Variants in KIRREL3 observed in about 807,000 individuals in gnomAD.
KIRREL3 encodes kirre like nephrin family adhesion molecule 3.
A neutral mutation model predicts 89.7 loss-of-function variants in KIRREL3; 36 were observed. The ratio of observed to expected loss-of-function variants is 0.40; its 90% CI spans 0.31 to 0.53. The LOEUF (loss-of-function observed/expected upper bound fraction) is 0.53. Ranked by LOEUF, KIRREL3 falls within the 20% of genes least tolerant of loss-of-function variation. The probability of loss-of-function intolerance (pLI) is 0.49; values close to 1 mark genes in which losing one functional copy is unlikely to be tolerated. For missense variants in KIRREL3, 864 were observed against 1,056.6 expected (o/e 0.82, Z 2.53); for synonymous variants, 445 against 441.4 (o/e 1.01, Z -0.10).
intron 1 of KIRREL3, among the ~76,000 whole-genome samples, chr11:126,820,445 A>G (rs1317901501): frequency 6.6e-6 from 1 of 152,326 alleles, no homozygotes; most frequent in East Asian, 1.9e-4. Context: ...TGGAATAACT[A>G]TATAAGGTGT....
intron 1 of KIRREL3, among the ~76,000 whole-genome samples, chr11:126,874,387 G>A (rs1210492013): frequency 6.6e-6 from 1 of 152,206 alleles, no homozygotes; most frequent in East Asian, 1.9e-4. Context: ...TGCAACAAGA[G>A]GCATCTCTTA....
rs1328516769 is a variant in KIRREL3, at chr11:126,608,219, G to C, written c.56-45307C>G. 6.6e-6 allele frequency among the ~76,000 whole-genome samples: 1 copy of C among 152,210 alleles called. No individual in the cohort carries two copies. The highest frequency in any genetic ancestry group is 1.5e-5 in the Non-Finnish European group (1 of 68,040). Reference sequence around the variant, plus strand: ...AGGTGGGAGAGAAAAGCAGGAGGCAGCTGAAGGGGGCGGTCTCAGAAGCCC... The same window carrying C: ...AGGTGGGAGAGAAAAGCAGGAGGCACCTGAAGGGGGCGGTCTCAGAAGCCC... On this transcript the variant is annotated intron_variant, in intron 1 of 16. Coordinates refer to ENST00000525144, the MANE Select transcript of KIRREL3 (RefSeq NM_032531.4). This position sits in a 1 kb window ranked among gnomAD's most constrained non-coding sequence, Gnocchi z 4.9.
At chr11:126,893,937 G>A (rs12275076) in intron 1 of KIRREL3, among the ~76,000 whole-genome samples, 11,157 of 152,232 alleles carry the variant, frequency 0.073, 1,349 homozygotes, top group African/African-American at 0.25. Flanking sequence ...TCCCAGAGCC[G>A]CGTGTGACTT....
In KIRREL3 at chr11:126,896,007, A is replaced by G. The variant is rs539726734; in HGVS notation, c.55+104448T>C. Among the ~76,000 whole-genome samples the G allele has an allele frequency of 6.6e-6, 1 of 152,356 alleles. No individual in the cohort carries two copies. Among genetic ancestry groups the G allele is most frequent in the African/African-American group, 2.4e-5 (1 of 41,582 alleles). ...AATGCAGAAATAAAGTGCATTTGTA[A>G]TAGACAACAAAAGGATTATCCCCCA... On this transcript the variant is annotated intron_variant, in intron 1 of 16. Coordinates refer to ENST00000525144, the MANE Select transcript of KIRREL3 (RefSeq NM_032531.4). This position sits in a 1 kb window ranked among gnomAD's most constrained non-coding sequence, Gnocchi z 4.1.
At position 126,656,548 on chromosome 11, in the gene KIRREL3, C is replaced by A. The variant is rs547856973; in HGVS notation, c.56-93636G>T. ...ATAAGGCAGCAGGTGACAGTGGTTG[C>A]GTGCTCCTGGGCACCGCCTGCCCAG... On this transcript the variant is annotated intron_variant, in intron 1 of 16. Transcript: ENST00000525144. This position sits in a 1 kb window ranked among gnomAD's most constrained non-coding sequence, Gnocchi z 4.0. Among the ~76,000 whole-genome samples the A allele has an allele frequency of 1.3e-5, 2 of 152,154 alleles. No individual in the cohort carries two copies. Among genetic ancestry groups the A allele is most frequent in the Non-Finnish European group, 2.9e-5 (2 of 68,026 alleles).
At position 126,817,887 on chromosome 11, in the gene KIRREL3, C is replaced by T. The variant is rs1447475174; in HGVS notation, c.55+182568G>A. On this transcript the variant is annotated intron_variant, in intron 1 of 16. Transcript: ENST00000525144. This position sits in a 1 kb window ranked among gnomAD's most constrained non-coding sequence, Gnocchi z 5.7. ...CCCACTACAACCCACGGGTGGGAAG[C>T]TCTAGATCTTGGCACCCCGTCCTCT... Among the ~76,000 whole-genome samples, 1 of 152,186 alleles carries T rather than the reference C, an allele frequency of 6.6e-6. No individual in the cohort carries two copies. Among genetic ancestry groups the T allele is most frequent in the Non-Finnish European group, 1.5e-5 (1 of 68,040 alleles).
At chr11:126,672,517 G>A (rs1021644751) in intron 1 of KIRREL3, among the ~76,000 whole-genome samples, 1 of 152,204 alleles carries the variant, frequency 6.6e-6, no homozygotes, top group African/African-American at 2.4e-5. Context: ...CACTTGAAAA[G>A]GCAAAACTAT....
At chr11:126,545,636 A>G (rs964980115) in intron 2 of KIRREL3, among the ~76,000 whole-genome samples, 9 of 151,768 alleles carry the variant, frequency 5.9e-5, no homozygotes, top group African/African-American at 2.2e-4. Flanking sequence ...AAAATAAAAT[A>G]AAATAAATAA....
At position 126,953,320 on chromosome 11, in the gene KIRREL3, C is replaced by G. The variant is rs11220672; in HGVS notation, c.55+47135G>C. On this transcript the variant is annotated intron_variant, in intron 1 of 16. Transcript: ENST00000525144. The surrounding 1 kb of genome is among the most constrained non-coding windows in gnomAD (Gnocchi z 5.2). Reference sequence around the variant, plus strand: ...GACACAGGGAGGGGACATCATACACCGGGGCTTGTTGTGGGGTGGGGGGCT... The same window carrying G: ...GACACAGGGAGGGGACATCATACACGGGGGCTTGTTGTGGGGTGGGGGGCT... Among the ~76,000 whole-genome samples the G allele has an allele frequency of 1.4e-5, 2 of 147,240 alleles. No homozygotes were observed. The highest frequency in any genetic ancestry group is 1.4e-4 in the Admixed American group (2 of 14,716).
Position 126,778,647 on chromosome 11 carries a change from G to A in KIRREL3, c.56-215735C>T, listed in dbSNP as rs1950237866. 6.6e-6 allele frequency among the ~76,000 whole-genome samples: 1 copy of A among 152,140 alleles called. No homozygotes were observed. The highest frequency in any genetic ancestry group is 1.5e-5 in the Non-Finnish European group (1 of 68,026). On this transcript the variant is annotated intron_variant, in intron 1 of 16. Transcript: ENST00000525144. The surrounding 1 kb of genome is among the most constrained non-coding windows in gnomAD (Gnocchi z 4.5). ...CTAGAAGAACACAAAAATGCATATG[G>A]TACAGCTTTTGAATGGTGTGATCAC...
At chr11:126,920,571 T>C (rs1215121486) in intron 1 of KIRREL3, 1 of 152,268 alleles carries the variant, frequency 6.6e-6, no homozygotes, top group Non-Finnish European at 1.5e-5. Flanking sequence ...CATTTGATTT[T>C]CTGCCCATAG....
intron 1 of KIRREL3, among the ~76,000 whole-genome samples, chr11:126,659,110 C>T (rs1205799702): frequency 6.6e-6 from 1 of 152,206 alleles, no homozygotes; most frequent in African/African-American, 2.4e-5. Flanking sequence ...GAAAATGATA[C>T]ATTTTCCCTC....
At position 126,814,869 on chromosome 11, in the gene KIRREL3, C is replaced by G. The variant is rs1211075782; in HGVS notation, c.55+185586G>C. ...GTGGGTTCATCGGTGCAGCGAACCA[C>G]CATGGCACACGTATCTATGTAACAA... On this transcript the variant is annotated intron_variant, in intron 1 of 16. Transcript: ENST00000525144. This position sits in a 1 kb window ranked among gnomAD's most constrained non-coding sequence, Gnocchi z 4.4. Among the ~76,000 whole-genome samples, 2 of 152,134 alleles carry G rather than the reference C, an allele frequency of 1.3e-5. No individual in the cohort carries two copies. Among genetic ancestry groups the G allele is most frequent in the African/African-American group, 4.8e-5 (2 of 41,408 alleles).
chr11:126,808,884 G>A lies in KIRREL3; in HGVS notation c.55+191571C>T, dbSNP rs1403663348. Among the ~76,000 whole-genome samples the A allele has an allele frequency of 6.6e-6, 1 of 152,190 alleles. No homozygotes were observed. The highest frequency in any genetic ancestry group is 1.5e-5 in the Non-Finnish European group (1 of 68,038). ...CCCAAAACAAATGTTTATATAGCAT[G>A]AGAAGGCCACTGTCAAGGTCGGGAG... On this transcript the variant is annotated intron_variant, in intron 1 of 16. Coordinates refer to ENST00000525144, the MANE Select transcript of KIRREL3 (RefSeq NM_032531.4). This position sits in a 1 kb window ranked among gnomAD's most constrained non-coding sequence, Gnocchi z 4.1.
At chr11:126,907,220 T>G (rs1215203962) in intron 1 of KIRREL3, among the ~76,000 whole-genome samples, 1 of 152,156 alleles carries the variant, frequency 6.6e-6, no homozygotes, top group African/African-American at 2.4e-5. Flanking sequence ...ATAAGGTGAG[T>G]GAACCCGAGC....
In KIRREL3 at chr11:126,860,979, G is replaced by A. The variant is rs1944685228; in HGVS notation, c.55+139476C>T. ...GGCAAACAAATTCTCCCTCCTTTGT[G>A]CCCTCCTGCTTTATGTGTGTAGCCT... On this transcript the variant is annotated intron_variant, in intron 1 of 16. Transcript: ENST00000525144. This position sits in a 1 kb window ranked among gnomAD's most constrained non-coding sequence, Gnocchi z 4.6. Among the ~76,000 whole-genome samples, 1 of 152,086 alleles carries A rather than the reference G, an allele frequency of 6.6e-6. No homozygotes were observed. The highest frequency in any genetic ancestry group is 2.4e-5 in the African/African-American group (1 of 41,372).
chr11:126,755,848 AGAGAGAGG>A lies in KIRREL3; in HGVS notation c.56-192944_56-192937del, dbSNP rs1175020808. Among the ~76,000 whole-genome samples, 24 of 109,792 alleles carry A rather than the reference AGAGAGAGG, an allele frequency of 2.2e-4. 1 individual carries two copies. The highest frequency in any genetic ancestry group is 8.3e-4 in the Admixed American group (9 of 10,816). 72.0% of individuals were successfully genotyped at this position (109,792 alleles called of 152,430 possible). A position where few individuals can be genotyped will look rare whatever the true frequency, so the allele number is the denominator to read the frequency against. ...CAGAGAGAGAGAGAGAGAGAGAGAG[AGAGAGAGG>A]GAGAGAGGGAGAGAGAAAAAACAGA... On this transcript the variant is annotated intron_variant, in intron 1 of 16. Transcript: ENST00000525144. This position sits in a 1 kb window ranked among gnomAD's most constrained non-coding sequence, Gnocchi z 4.3.
intron 1 of KIRREL3, among the ~76,000 whole-genome samples, chr11:126,680,523 C>G (rs1192399283): frequency 2.6e-5 from 4 of 152,190 alleles, no homozygotes; most frequent in Non-Finnish European, 5.9e-5. Flanking sequence ...CTTCCCCTCC[C>G]TCTTATGCCC....
chr11:126,444,992 G>A lies in KIRREL3; in HGVS notation c.1239C>T (p.Thr413=). The A allele has an allele frequency of 6.2e-7, 1 of 1,613,716 alleles. No homozygotes were observed. Among genetic ancestry groups the A allele is most frequent in the South Asian group, 1.1e-5 (1 of 91,070 alleles). ...CGAGGGTCTTACCATTGACGGTCAG[G>A]GTCACCTCTCTCTCCCCGGCTCCCA... ...PRVGAGEREV[T]LTVNGPPIIS... Residue 413 remains threonine, a synonymous_variant, in exon 10 of 17, where the codon ACC becomes ACT. Coordinates refer to ENST00000525144, the MANE Select transcript of KIRREL3 (RefSeq NM_032531.4).
Sources: allele counts gnomAD v4.1 joint callset (sites outside exome capture counted in the v4.1 genomes callset), GRCh38; gene constraint gnomAD v4.1.1; non-coding constraint Gnocchi (gnomAD v3.1); transcripts MANE v1.5; gene names NCBI Gene and HGNC (gene_info 2026-07-23, HGNC 2026-07-21).